The following CSMD1 variants were observed in gnomAD, a reference collection of about 807,000 sequenced individuals.
CSMD1 encodes CUB and sushi domain-containing protein 1.
In CSMD1, 213 loss-of-function variants were observed where a neutral mutation model predicts 417.5. That is an observed-to-expected ratio of 0.51 (90% CI 0.46 to 0.57). The LOEUF (loss-of-function observed/expected upper bound fraction) is 0.57. Among genes scored for constraint, CSMD1 ranks in the 20% least tolerant of loss-of-function variants. The pLI is 0.00. For missense variants in CSMD1, 6,923 were observed against 4,529.7 expected (o/e 1.53, Z -15.17); for synonymous variants, 2,862 against 1,736.8 (o/e 1.65, Z -16.11).
chr8:3,195,419 T>C (rs974667624), intron 33 of CSMD1, among the ~76,000 whole-genome samples: 12 of 152,336 alleles, frequency 7.9e-5, no homozygotes, highest in Middle Eastern at 3.4e-3. Context: ...GCAAAGTCTC[T>C]AAATGCAATG....
chr8:3,980,126 C>T (rs1199212649), intron 5 of CSMD1, among the ~76,000 whole-genome samples: 1 of 133,658 alleles, frequency 7.5e-6, no homozygotes, highest in East Asian at 2.5e-4. Context: ...TAGGTTTTAT[C>T]ATTGTATAGT....
At position 3,249,591 on chromosome 8, in the gene CSMD1, C is replaced by T. The variant is rs905186659; in HGVS notation, c.4154-19360G>A. ...AGTCTCAAAAAAATAAGTTTACAAT[C>T]GTATAAATACACACACACACATATA... On this transcript the variant is annotated intron_variant, in intron 26 of 69. Transcript: ENST00000635120. Among the ~76,000 whole-genome samples the T allele has an allele frequency of 2.0e-5, 3 of 150,652 alleles. No individual in the cohort carries two copies. In the East Asian group the frequency reaches 5.8e-4, roughly 29 times the overall value.
At chr8:4,940,613 C>G (rs1807518143) in intron 1 of CSMD1, among the ~76,000 whole-genome samples, 1 of 152,152 alleles carries the variant, frequency 6.6e-6, no homozygotes, top group African/African-American at 2.4e-5. Context: ...CTGTTTATTT[C>G]TGGGACAAAT....
At chr8:4,830,152 C>A (rs893821019) in intron 1 of CSMD1, among the ~76,000 whole-genome samples, 1 of 152,166 alleles carries the variant, frequency 6.6e-6, no homozygotes. Flanking sequence ...CCTGAGAAAT[C>A]TGACAGTACA....
At chr8:4,854,819 C>T (rs577281463) in intron 1 of CSMD1, among the ~76,000 whole-genome samples, 4 of 152,174 alleles carry the variant, frequency 2.6e-5, no homozygotes, top group South Asian at 2.1e-4. Context: ...AACTGCAAGG[C>T]AGCAGCGAGG....
At chr8:4,783,665 G>A (rs1797265965) in intron 1 of CSMD1, among the ~76,000 whole-genome samples, 1 of 152,142 alleles carries the variant, frequency 6.6e-6, no homozygotes, top group Admixed American at 6.5e-5. Flanking sequence ...TGAACAGGCT[G>A]AAGCCAGCCC....
intron 2 of CSMD1, among the ~76,000 whole-genome samples, chr8:4,525,453 T>G (rs114019370): frequency 2.6e-5 from 4 of 152,170 alleles, no homozygotes; most frequent in Non-Finnish European, 4.4e-5. Context: ...CTGTAACATA[T>G]TACAAATTAT....
At chr8:4,764,529 G>T (rs1283089822) in intron 1 of CSMD1, among the ~76,000 whole-genome samples, 1 of 152,086 alleles carries the variant, frequency 6.6e-6, no homozygotes, top group Non-Finnish European at 1.5e-5. Flanking sequence ...TTCAAATTAA[G>T]TGTTCTGCCC....
chr8:4,140,180 C>T (rs917471981), intron 3 of CSMD1, among the ~76,000 whole-genome samples: 5 of 146,880 alleles, frequency 3.4e-5, no homozygotes, highest in African/African-American at 1.0e-4. Context: ...TAGCAAAAAC[C>T]CGTATCTAAA....
intron 1 of CSMD1, among the ~76,000 whole-genome samples, chr8:4,680,117 T>C (rs1805945563): frequency 6.6e-6 from 1 of 152,196 alleles, no homozygotes; most frequent in Admixed American, 6.5e-5. Context: ...CCTTGCACAG[T>C]ATTTGGTAAA....
At chr8:3,556,124 G>C (rs192894842) in intron 10 of CSMD1, among the ~76,000 whole-genome samples, 1 of 152,024 alleles carries the variant, frequency 6.6e-6, no homozygotes, top group East Asian at 1.9e-4. Context: ...AAACCCAGCA[G>C]CACAAAACAG....
At chr8:3,985,044 G>A (rs1374460322) in intron 5 of CSMD1, among the ~76,000 whole-genome samples, 2 of 151,970 alleles carry the variant, frequency 1.3e-5, no homozygotes, top group African/African-American at 2.4e-5. Flanking sequence ...TTTGATTACT[G>A]TGCTCATGTT....
intron 2 of CSMD1, among the ~76,000 whole-genome samples, chr8:4,456,501 G>A (rs192410097): frequency 8.6e-4 from 131 of 152,282 alleles, no homozygotes; most frequent in Middle Eastern, 3.4e-3. Flanking sequence ...AAAATTGTAG[G>A]TTCTAAGTAA....
intron 5 of CSMD1, among the ~76,000 whole-genome samples, chr8:3,910,681 T>C (rs1808404443): frequency 6.6e-6 from 1 of 152,174 alleles, no homozygotes; most frequent in South Asian, 2.1e-4. Context: ...ATAATCTATT[T>C]TCCCCTTTGT....
intron 2 of CSMD1, among the ~76,000 whole-genome samples, chr8:4,582,722 T>G (rs1229102492): frequency 6.6e-6 from 1 of 152,184 alleles, no homozygotes; most frequent in Non-Finnish European, 1.5e-5. Context: ...GCTCCCACTT[T>G]GGTGGCACTT....
At position 4,236,166 on chromosome 8, in the gene CSMD1, G is replaced by T. The variant is rs1335143049; in HGVS notation, c.415+183787C>A. 9.9e-5 allele frequency among the ~76,000 whole-genome samples: 15 copies of T among 151,658 alleles called. No individual in the cohort carries two copies. The South Asian group carries it at 1.7e-3, about 17-fold the overall frequency. On this transcript the variant is annotated intron_variant, in intron 3 of 69. Coordinates refer to ENST00000635120, the MANE Select transcript of CSMD1 (RefSeq NM_033225.6). ...TGTTATCAGTAAGGTCTTCGATCAGGAACTGAAATGCCACGGACAACACAT... is the reference window on the plus strand; with the variant it reads ...TGTTATCAGTAAGGTCTTCGATCAGTAACTGAAATGCCACGGACAACACAT...
At chr8:2,986,708 G>A (rs986719568) in intron 54 of CSMD1, among the ~76,000 whole-genome samples, 3 of 152,030 alleles carry the variant, frequency 2.0e-5, no homozygotes. Flanking sequence ...TTTTCACTCT[G>A]TTAGCCAGGA....
At chr8:2,969,171 C>T (rs1233947313) in intron 57 of CSMD1, among the ~76,000 whole-genome samples, 1 of 152,064 alleles carries the variant, frequency 6.6e-6, no homozygotes, top group Admixed American at 6.5e-5. Context: ...ATTACCCACG[C>T]TATATGTAAA....
At chr8:4,275,394 G>C (rs947867585) in intron 3 of CSMD1, among the ~76,000 whole-genome samples, 1 of 152,048 alleles carries the variant, frequency 6.6e-6, no homozygotes, top group Non-Finnish European at 1.5e-5. Flanking sequence ...ATGTTTTAAA[G>C]GAAAGGACAA....
Sources: allele counts gnomAD v4.1 joint callset (sites outside exome capture counted in the v4.1 genomes callset), GRCh38; gene constraint gnomAD v4.1.1; transcripts MANE v1.5; gene names NCBI Gene and HGNC (gene_info 2026-07-23, HGNC 2026-07-21).